Variants in SH3TC2 observed in about 807,000 individuals in gnomAD.
The protein encoded by SH3TC2 is SH3 domain and tetratricopeptide repeats 2.
SH3TC2 carries 87 observed loss-of-function variants against 124.5 expected under a neutral mutation model. That is an observed-to-expected ratio of 0.70 (90% CI 0.59 to 0.84). The LOEUF (loss-of-function observed/expected upper bound fraction) is 0.84, where lower values mean the gene tolerates loss of function less well. Among genes scored for constraint, SH3TC2 ranks in the 40% least tolerant of loss-of-function variants. The pLI, the probability that SH3TC2 is intolerant of heterozygous loss-of-function variation, is 0.00. For missense variants in SH3TC2, 1,536 were observed against 1,566.4 expected (o/e 0.98, Z 0.33); for synonymous variants, 634 against 628.5 (o/e 1.01, Z -0.13).
At position 149,011,765 on chromosome 5, in the gene SH3TC2, G is replaced by A. The variant is rs116675999; in HGVS notation, c.3204+819C>T. On this transcript the variant is annotated intron_variant, in intron 13 of 16. Transcript: ENST00000515425. Reference sequence around the variant, plus strand: ...TAGTATAAGGAGAAGTAAAAAGAGAGAAAATAAAACATGGGAAAGAAAAAA... The same window carrying A: ...TAGTATAAGGAGAAGTAAAAAGAGAAAAAATAAAACATGGGAAAGAAAAAA... Among the ~76,000 whole-genome samples, 753 of 152,004 alleles carry A rather than the reference G, an allele frequency of 5.0e-3. 10 individuals are homozygous for A. Among genetic ancestry groups the A allele is most frequent in the African/African-American group, 0.017 (712 of 41,446 alleles).
At chr5:149,005,528 G>A (rs1274514118) in intron 16 of SH3TC2, among the ~76,000 whole-genome samples, 4 of 152,082 alleles carry the variant, frequency 2.6e-5, no homozygotes, top group South Asian at 2.1e-4. Context: ...TTTACAATCC[G>A]TGGAGTTCTT....
At position 149,047,903 on chromosome 5, in the gene SH3TC2, C is replaced by A; in HGVS notation, c.238G>T (p.Ala80Ser). 1 of 1,614,182 alleles carries A rather than the reference C, an allele frequency of 6.2e-7. No individual in the cohort carries two copies. Residue 80 changes from alanine to serine, a missense_variant, in exon 3 of 17, where the codon GCA becomes TCA. Physicochemically the swap from Ala to Ser is moderately conservative, Grantham distance 99. This residue lies in a region of SH3TC2 where 1,102 missense variants were observed against 1,098.6 expected (regional missense o/e 1.00). Transcript: ENST00000515425. Reference sequence around the variant, plus strand: ...ACCTCCTGGTCCTCATTCTCCAGTGCCCAGAGCCGCCTCCGAGCAGCTTCC... The same window carrying A: ...ACCTCCTGGTCCTCATTCTCCAGTGACCAGAGCCGCCTCCGAGCAGCTTCC... ...LQEAARRRLW[A>S]LENEDQEVRM... is the part of the protein sequence containing the mutation.
intron 8 of SH3TC2, among the ~76,000 whole-genome samples, chr5:149,034,955 A>G (rs976684148): frequency 1.3e-5 from 2 of 152,242 alleles, no homozygotes; most frequent in Non-Finnish European, 2.9e-5. Context: ...TAAGTGTTAT[A>G]TATATTTAAG....
intron 12 of SH3TC2, among the ~76,000 whole-genome samples, chr5:149,021,878 C>A (rs1580896653): frequency 1.1e-4 from 4 of 37,318 alleles, no homozygotes; most frequent in Admixed American, 6.4e-4. Context: ...CCTTCACAAA[C>A]TCTTTCTTTT....
chr5:149,008,959 T>A lies in SH3TC2; in HGVS notation c.3370A>T (p.Thr1124Ser). The A allele has an allele frequency of 6.2e-7, 1 of 1,614,208 alleles. No individual in the cohort carries two copies. The highest frequency in any genetic ancestry group is 8.5e-7 in the Non-Finnish European group (1 of 1,180,032). ...PLARRLKAVRTELRIFNKLTE... is the reference protein window; with the variant it reads ...PLARRLKAVRSELRIFNKLTE... ...AGCTTATTGAAAATCCGGAGCTCAG[T>A]TCTCACCGCCTTCAACCTCCTTGCT... Residue 1124 changes from threonine (T) to serine (S), a missense_variant, in exon 15 of 17, where the codon ACT becomes TCT. Transcript: ENST00000515425.
At chr5:149,037,790 G>A (rs1449835234) in intron 8 of SH3TC2, among the ~76,000 whole-genome samples, 2 of 152,288 alleles carry the variant, frequency 1.3e-5, no homozygotes, top group East Asian at 3.9e-4. Flanking sequence ...AGCCTTTCTG[G>A]ATTCAAGGCA....
chr5:149,004,732 A>G lies in SH3TC2; in HGVS notation c.3846T>C (p.Ser1282=), dbSNP rs1753655533. 1 of 1,613,274 alleles carries G rather than the reference A, an allele frequency of 6.2e-7. No individual in the cohort carries two copies. Among genetic ancestry groups the G allele is most frequent in the Non-Finnish European group, 8.5e-7 (1 of 1,179,928 alleles). The change falls in exon 17 of 17, where the codon AGT becomes AGC. Residue 1282 remains serine (S), a synonymous_variant. Transcript: ENST00000515425. ...TTCCTCAGAGGGCCAGGCCACCACC[A>G]CTCAGCCACCGCGCCCTCTCTGAGG... is the stretch of plus-strand genomic sequence containing the variant. ...GCSSERARWL[S]GGGLAL is the part of the protein sequence containing the mutation.
At chr5:149,024,177 C>T (rs190498924) in intron 12 of SH3TC2, among the ~76,000 whole-genome samples, 7 of 152,178 alleles carry the variant, frequency 4.6e-5, no homozygotes, top group Non-Finnish European at 8.8e-5. Context: ...GAGCCAGGGA[C>T]TCCTCCACAC....
intron 1 of SH3TC2, among the ~76,000 whole-genome samples, chr5:149,059,386 T>C (rs1754706485): frequency 6.6e-6 from 1 of 152,160 alleles, no homozygotes; most frequent in African/African-American, 2.4e-5. Context: ...GAATTCACCT[T>C]CATTTCTCCT....
At chr5:149,012,815 T>C in intron 12 of SH3TC2, 81 bp from the exon 13 acceptor site, 1 of 1,521,154 alleles carries the variant, frequency 6.6e-7, no homozygotes, top group Non-Finnish European at 9.1e-7. Context: ...AAACAGAAGC[T>C]CTGAGCAGGA....
Position 149,027,879 on chromosome 5 carries a change from T to C in SH3TC2, c.1853A>G (p.Tyr618Cys), listed in dbSNP as rs772780166. Residue 618 changes from tyrosine (Y) to cysteine (C), a missense_variant, in exon 11 of 17, where the codon TAC becomes TGC. By Grantham distance (194) the Tyr-to-Cys change is radical (BLOSUM62 -2). Transcript: ENST00000515425. ...CACCACAATCCCCTGGCGCAGCACG[T>C]AGGCCACCACGTCGAGTTCATGCTT... The part of the protein sequence containing the change: ...SAKHELDVVA[Y>C]VLRQGIVVGS... 1.7e-5 allele frequency: 28 copies of C among 1,613,816 alleles called. No homozygotes were observed. In the Admixed American group the frequency reaches 3.2e-4, roughly 18 times the overall value.
chr5:149,022,932 G>A (rs1380533994), intron 12 of SH3TC2, among the ~76,000 whole-genome samples: 3 of 152,098 alleles, frequency 2.0e-5, no homozygotes, highest in South Asian at 2.1e-4. Flanking sequence ...TTCTTTCAGG[G>A]GCCATGAAAA....
intron 7 of SH3TC2, among the ~76,000 whole-genome samples, chr5:149,039,198 C>T (rs192357849): frequency 6.6e-6 from 1 of 152,268 alleles, no homozygotes; most frequent in Non-Finnish European, 1.5e-5. Flanking sequence ...CTAGCAATGA[C>T]CTTTTGATGA....
At position 149,004,268 on chromosome 5, in the gene SH3TC2, C is replaced by T; in HGVS notation, c.*443G>A. On this transcript the variant is annotated 3_prime_UTR_variant, in exon 17 of 17. Transcript: ENST00000515425. The stretch of plus-strand genomic sequence containing the variant: ...AAAGAAATGGAAAAAACTACAGGTT[C>T]CTCTGCTGGCAAGGGGAAGGGGTCT... 5.4e-6 allele frequency: 1 copy of T among 186,624 alleles called. No individual in the cohort carries two copies. The highest frequency in any genetic ancestry group is 1.1e-5 in the Non-Finnish European group (1 of 88,110). The allele number at this position is 186,624 out of a possible 1,614,324, so 11.6% of individuals were successfully genotyped here.
intron 8 of SH3TC2, among the ~76,000 whole-genome samples, chr5:149,032,324 G>T (rs1422285814): frequency 6.6e-6 from 1 of 152,186 alleles, no homozygotes; most frequent in East Asian, 1.9e-4. Flanking sequence ...AAGCAATAAA[G>T]ATCTTGATAC....
At chr5:149,047,646 C>G in intron 3 of SH3TC2, 1 of 587,164 alleles carries the variant, frequency 1.7e-6, no homozygotes, top group East Asian at 3.4e-5. Context: ...TTTTCTCTGA[C>G]TCAGCAACTC....
At position 149,007,345 on chromosome 5, in the gene SH3TC2, A is replaced by G. The variant is rs537811984; in HGVS notation, c.3479-268T>C. On this transcript the variant is annotated intron_variant, in intron 15 of 16. Coordinates refer to ENST00000515425, the MANE Select transcript of SH3TC2 (RefSeq NM_024577.4). ...ATGCAGGGCTCTATAAGAGTGACTA[A>G]GTAGAGGATGGGTCAAGGTTTCCTG... 6 of 601,630 alleles carry G rather than the reference A, an allele frequency of 1.0e-5. No homozygotes were observed. In the East Asian group the frequency reaches 1.4e-4, roughly 14 times the overall value. 37.3% of individuals were successfully genotyped at this position (601,630 alleles called of 1,614,324 possible).
rs1442473155 is a variant in SH3TC2, at chr5:148,994,685, TGGATGGATGGAA to T, written c.*10014_*10025del. On this transcript the variant is annotated 3_prime_UTR_variant, in exon 17 of 17. Transcript: ENST00000515425. The stretch of plus-strand genomic sequence containing the variant: ...TTAATTGGCTGGTTGGATAAATGAA[TGGATGGATGGAA>T]GGATGGATGGATGGATGGATGGATG... Among the ~76,000 whole-genome samples the T allele has an allele frequency of 1.4e-5, 2 of 138,858 alleles. No individual in the cohort carries two copies. Among genetic ancestry groups the T allele is most frequent in the Non-Finnish European group, 3.2e-5 (2 of 62,824 alleles). 91.1% of individuals were successfully genotyped at this position (138,858 alleles called of 152,430 possible). A position where few individuals can be genotyped will look rare whatever the true frequency, so the allele number is the denominator to read the frequency against.
At chr5:149,026,409 CTAA>C (rs1290057109) in intron 12 of SH3TC2, 160 bp downstream of exon 12, 4 of 786,520 alleles carry the variant, frequency 5.1e-6, no homozygotes, top group South Asian at 1.7e-5. Context: ...GGCTACACCA[CTAA>C]TAAGTGATGG....
Sources: allele counts gnomAD v4.1 joint callset (sites outside exome capture counted in the v4.1 genomes callset), GRCh38; gene constraint gnomAD v4.1.1; regional missense constraint gnomAD v4.1.1; transcripts MANE v1.5; gene names NCBI Gene and HGNC (gene_info 2026-07-23, HGNC 2026-07-21).